PPEF1: variants seen among roughly 807,000 people sequenced by gnomAD.
PPEF1 encodes serine/threonine-protein phosphatase with EF-hands 1.
In PPEF1, 12 loss-of-function variants were observed where a neutral mutation model predicts 53.3. That is an observed-to-expected ratio of 0.23 (90% CI 0.14 to 0.36). The LOEUF is 0.36. Among genes scored for constraint, PPEF1 ranks in the 10% least tolerant of loss-of-function variants. PPEF1 has a pLI of 1.00. For synonymous variants in PPEF1, 165 were observed against 176.7 expected, an observed-to-expected ratio of 0.93 and a Z score of 0.52; for missense variants, 334 against 490.4, an observed-to-expected ratio of 0.68 and a Z score of 3.01.
At chrX:18,695,208 C>G (rs971754811) in intron 4 of PPEF1, among the ~76,000 whole-genome samples, 3 of 112,482 alleles carry the variant, frequency 2.7e-5, no homozygotes, top group African/African-American at 9.7e-5. Context: ...GGCCTTAGTT[C>G]CTTGCTGGCT....
At chrX:18,714,561 G>A (rs185013863) in intron 1 of PPEF1, among the ~76,000 whole-genome samples, 179 of 112,056 alleles carry the variant, frequency 1.6e-3, no homozygotes, top group Non-Finnish European at 2.6e-3. Context: ...GTGAGCCACC[G>A]TGCCCAGCCT....
chrX:18,735,631 G>T (rs1394013537), intron 3 of PPEF1, among the ~76,000 whole-genome samples: 1 of 111,757 alleles, frequency 8.9e-6, no homozygotes, highest in Non-Finnish European at 1.9e-5. Flanking sequence ...GGTTCCATAG[G>T]AACTTTAAAG....
intron 3 of PPEF1, among the ~76,000 whole-genome samples, chrX:18,686,742 GATA>G (rs781466823): frequency 1.8e-5 from 2 of 111,537 alleles, no homozygotes; most frequent in African/African-American, 6.5e-5. Flanking sequence ...CTGGCCTAAT[GATA>G]ATAATAATAG....
intron 10 of PPEF1, among the ~76,000 whole-genome samples, chrX:18,794,765 G>T (rs1488051708): frequency 8.9e-6 from 1 of 111,965 alleles, no homozygotes; most frequent in African/African-American, 3.2e-5. Context: ...CCATCAGCTT[G>T]CTCCTTCTGG....
chrX:18,683,221 T>C, intron 1 of PPEF1, among the ~76,000 whole-genome samples: 1 of 111,594 alleles, frequency 9.0e-6, no homozygotes, highest in Middle Eastern at 4.6e-3. Context: ...GGTTGTGGTT[T>C]CCCTGTCTGC....
chrX:18,818,156 T>C lies in PPEF1; in HGVS notation c.1501+11T>C, dbSNP rs1273620588. 1 of 1,116,008 alleles carries C rather than the reference T, an allele frequency of 9.0e-7. No individual in the cohort carries two copies. Among genetic ancestry groups the C allele is most frequent in the Admixed American group, 2.2e-5 (1 of 44,547 alleles). 92.0% of individuals were successfully genotyped at this position (1,116,008 alleles called of 1,213,427 possible). ...ACCACAGAAAATCAGGTAACAAATTTGCATAACATTTACCATTTCTTAACA... is the reference window on the plus strand; with the variant it reads ...ACCACAGAAAATCAGGTAACAAATTCGCATAACATTTACCATTTCTTAACA... On this transcript the variant is annotated intron_variant, in intron 13 of 15. Transcript: ENST00000470157.
At chrX:18,718,317 T>C (rs1191245498) in intron 1 of PPEF1, among the ~76,000 whole-genome samples, 1 of 111,573 alleles carries the variant, frequency 9.0e-6, no homozygotes, top group African/African-American at 3.3e-5. Context: ...ATGTCTGTAA[T>C]CCCAGCACTT....
rs752286222 is a variant in PPEF1, at chrX:18,714,269, G to GTTTT, written c.46+6447_46+6450dup. Among the ~76,000 whole-genome samples the GTTTT allele has an allele frequency of 1.1e-3, 71 of 61,890 alleles. 7 individuals are homozygous for GTTTT. The highest frequency in any genetic ancestry group is 1.0e-3 in the Non-Finnish European group (29 of 28,414). The allele number at this position is 61,890 out of a possible 115,157, so 53.7% of individuals were successfully genotyped here. A position where few individuals can be genotyped will look rare whatever the true frequency, so the allele number is the denominator to read the frequency against. On this transcript the variant is annotated intron_variant, in intron 1 of 15. Coordinates refer to ENST00000470157, the MANE Select transcript of PPEF1 (RefSeq NM_001377996.1). ...GTGGTACTTGGTAAGTTTGTTTTTC[G>GTTTT]TTTTTTTGTTTTTTTTTTTTGAGAT...
chrX:18,781,259 C>T (rs1201833594), intron 7 of PPEF1, among the ~76,000 whole-genome samples: 1 of 110,005 alleles, frequency 9.1e-6, no homozygotes, highest in Non-Finnish European at 1.9e-5. Flanking sequence ...ACATACATGT[C>T]CAGAGATCAG....
At chrX:18,722,118 C>T (rs73458651) in intron 1 of PPEF1, among the ~76,000 whole-genome samples, 2,062 of 111,897 alleles carry the variant, frequency 0.018, 56 homozygotes, top group African/African-American at 0.063. Context: ...CTGGGACAGC[C>T]GCACATTCTG....
chrX:18,786,136 T>A (rs1333020930), intron 9 of PPEF1, among the ~76,000 whole-genome samples: 1 of 112,200 alleles, frequency 8.9e-6, no homozygotes, highest in Non-Finnish European at 1.9e-5. Flanking sequence ...ACAGTGCTAA[T>A]CAGTCATGGC....
intron 6 of PPEF1, among the ~76,000 whole-genome samples, chrX:18,701,481 T>C (rs1356334195): frequency 8.9e-6 from 1 of 112,514 alleles, no homozygotes; most frequent in Non-Finnish European, 1.9e-5. Context: ...CAGTAAGATA[T>C]GCATTATTAT....
chrX:18,683,137 C>T (rs768017363), intron 1 of PPEF1, among the ~76,000 whole-genome samples: 2 of 111,649 alleles, frequency 1.8e-5, no homozygotes, highest in Non-Finnish European at 1.9e-5. Context: ...GTCCCTCCCA[C>T]GACACGTGGG....
intron 1 of PPEF1, among the ~76,000 whole-genome samples, 199 bp from the exon 2 acceptor site, chrX:18,729,982 A>G (rs953982940): frequency 4.5e-5 from 5 of 112,264 alleles, no homozygotes; most frequent in Non-Finnish European, 1.9e-5. Flanking sequence ...TGGCTGTGCC[A>G]TCATTATTCT....
At chrX:18,687,977 C>T (rs1929169876) in intron 3 of PPEF1, among the ~76,000 whole-genome samples, 3 of 111,750 alleles carry the variant, frequency 2.7e-5, no homozygotes, top group African/African-American at 9.8e-5. Context: ...GTGTGAGCTA[C>T]AGCGCCCGGC....
chrX:18,782,181 G>A (rs755813161), intron 7 of PPEF1, among the ~76,000 whole-genome samples, 185 bp from the exon 8 acceptor site: 2 of 111,398 alleles, frequency 1.8e-5, no homozygotes, highest in South Asian at 3.8e-4. Flanking sequence ...GGATGATGTC[G>A]TTGGTTGCTT....
intron 10 of PPEF1, among the ~76,000 whole-genome samples, chrX:18,800,173 A>C (rs1161682117): frequency 1.8e-5 from 2 of 111,634 alleles, no homozygotes; most frequent in African/African-American, 6.5e-5. Context: ...TTGAAGTGCT[A>C]ACTCCTTGGC....
At chrX:18,809,091 ATATCTATCTATCTATC>A (rs58192421) in intron 12 of PPEF1, among the ~76,000 whole-genome samples, 18 of 96,804 alleles carry the variant, frequency 1.9e-4, no homozygotes, top group African/African-American at 3.9e-4. Context: ...ATATCACATT[ATATCTATCTATCTATC>A]TATCTATCTA....
At chrX:18,811,587 GTATATATATA>G (rs59907227) in intron 12 of PPEF1, among the ~76,000 whole-genome samples, 10 of 43,982 alleles carry the variant, frequency 2.3e-4, no homozygotes, top group African/African-American at 5.9e-4. Flanking sequence ...CACTTATTCA[GTATATATATA>G]TATATATATA....
Sources: gnomAD v4.1 joint callset for allele counts (sites outside exome capture counted in the v4.1 genomes callset) on GRCh38, gnomAD v4.1.1 for gene constraint, MANE v1.5 for transcripts, NCBI Gene and HGNC (gene_info 2026-07-23, HGNC 2026-07-21) for gene names.